Variants in PPFIA2 observed in about 807,000 individuals in gnomAD.
PPFIA2 encodes the protein PPFI scaffold protein A2.
In PPFIA2, 46 loss-of-function variants were observed where a neutral mutation model predicts 175.5. The observed-to-expected ratio is 0.26, with a 90% confidence interval of 0.21 to 0.34. PPFIA2 has a LOEUF of 0.34. Among genes scored for constraint, PPFIA2 ranks in the 10% least tolerant of loss-of-function variants. The pLI is 1.00. For missense variants in PPFIA2, 1,179 were observed against 1,506.1 expected (o/e 0.78, Z 3.60); for synonymous variants, 568 against 511.4 (o/e 1.11, Z -1.49).
chr12:81,446,274 C>A lies in PPFIA2; in HGVS notation c.406-554G>T, dbSNP rs1045784416. ...CATAGTAACTGAGATTCTCAATTGT[C>A]AGTTCAGAAAAGGAAGTTAAGGATA... On this transcript the variant is annotated intron_variant, in intron 5 of 32. Transcript: ENST00000549396. Among the ~76,000 whole-genome samples the A allele has an allele frequency of 3.9e-5, 6 of 152,246 alleles. No individual in the cohort carries two copies. In the East Asian group the frequency reaches 1.2e-3, roughly 29 times the overall value.
In PPFIA2 at chr12:81,758,485, C is replaced by A. The variant is rs1488430383; in HGVS notation, c.-88G>T. Reference sequence around the variant, plus strand: ...GGCTTGAGGAGAAGGGAGGCTCACACCCAGCACTCCTGGACCATTTCCCTA... The same window carrying A: ...GGCTTGAGGAGAAGGGAGGCTCACAACCAGCACTCCTGGACCATTTCCCTA... On this transcript the variant is annotated 5_prime_UTR_variant, in exon 2 of 33. Coordinates refer to ENST00000549396, the MANE Select transcript of PPFIA2 (RefSeq NM_003625.5). 1 of 456,208 alleles carries A rather than the reference C, an allele frequency of 2.2e-6. No individual in the cohort carries two copies. The highest frequency in any genetic ancestry group is 4.4e-6 in the Non-Finnish European group (1 of 226,672). The allele number at this position is 456,208 out of a possible 1,614,324, so 28.3% of individuals were successfully genotyped here. A position where few individuals can be genotyped will look rare whatever the true frequency, so the allele number is the denominator to read the frequency against.
chr12:81,538,307 TTGA>T (rs1364368544), intron 4 of PPFIA2, among the ~76,000 whole-genome samples: 5 of 151,922 alleles, frequency 3.3e-5, no homozygotes, highest in African/African-American at 9.7e-5. Flanking sequence ...GTTGTAGATC[TTGA>T]TGATCAATCC....
chr12:81,409,080 G>C (rs1475270464), intron 7 of PPFIA2, among the ~76,000 whole-genome samples: 1 of 152,168 alleles, frequency 6.6e-6, no homozygotes, highest in Non-Finnish European at 1.5e-5. Context: ...AGGTAGCACA[G>C]ACTTCTTTAG....
intron 4 of PPFIA2, among the ~76,000 whole-genome samples, chr12:81,668,601 AC>A (rs2070806964): frequency 6.6e-6 from 1 of 152,034 alleles, no homozygotes; most frequent in African/African-American, 2.4e-5. Context: ...AAGGAGAAGC[AC>A]ACACTTCCCT....
intron 4 of PPFIA2, among the ~76,000 whole-genome samples, chr12:81,655,007 G>A (rs935293155): frequency 6.6e-6 from 1 of 151,982 alleles, no homozygotes; most frequent in African/African-American, 2.4e-5. Context: ...AGTATCACCT[G>A]AATTTTTTAT....
At chr12:81,553,929 C>A (rs1180119323) in intron 4 of PPFIA2, among the ~76,000 whole-genome samples, 2 of 151,870 alleles carry the variant, frequency 1.3e-5, no homozygotes, top group Admixed American at 1.3e-4. Context: ...TGACTTGGAA[C>A]CAGATTAAGA....
chr12:81,672,668 G>A (rs1173770013), intron 4 of PPFIA2, among the ~76,000 whole-genome samples: 2 of 151,966 alleles, frequency 1.3e-5, no homozygotes, highest in Non-Finnish European at 2.9e-5. Context: ...GGAGCAAAAT[G>A]TATAGATCTT....
intron 3 of PPFIA2, among the ~76,000 whole-genome samples, chr12:81,680,603 T>C (rs184927786): frequency 6.6e-6 from 1 of 151,998 alleles, no homozygotes; most frequent in Non-Finnish European, 1.5e-5. Context: ...GGAGGCAGTC[T>C]TATGAGGAGC....
intron 4 of PPFIA2, among the ~76,000 whole-genome samples, chr12:81,665,400 C>G (rs2069969855): frequency 6.6e-6 from 1 of 152,022 alleles, no homozygotes; most frequent in African/African-American, 2.4e-5. Flanking sequence ...ACGTAACACT[C>G]AGTGTTAGCA....
chr12:81,525,925 T>G (rs2153274038), intron 4 of PPFIA2, among the ~76,000 whole-genome samples: 1 of 152,276 alleles, frequency 6.6e-6, no homozygotes, highest in African/African-American at 2.4e-5. Context: ...AACAAAATTC[T>G]TAGAAATTTT....
chr12:81,401,423 C>G (rs2042083249), intron 8 of PPFIA2, among the ~76,000 whole-genome samples: 1 of 152,156 alleles, frequency 6.6e-6, no homozygotes, highest in Non-Finnish European at 1.5e-5. Context: ...CAGCTGGTAG[C>G]TGGCAGAGAC....
At chr12:81,630,853 T>G (rs2063291583) in intron 4 of PPFIA2, among the ~76,000 whole-genome samples, 1 of 151,048 alleles carries the variant, frequency 6.6e-6, no homozygotes, top group Non-Finnish European at 1.5e-5. Flanking sequence ...CCCTGTAACA[T>G]TTTTATGTAA....
At chr12:81,669,612 AAAGT>A (rs1337411524) in intron 4 of PPFIA2, among the ~76,000 whole-genome samples, 3 of 152,130 alleles carry the variant, frequency 2.0e-5, no homozygotes, top group African/African-American at 7.2e-5. Context: ...AGACCTAAAG[AAAGT>A]GAGGCAGTAA....
rs1414348237 is a variant in PPFIA2, at chr12:81,299,359, C to T, written c.2666G>A (p.Arg889Gln). The T allele has an allele frequency of 3.1e-6, 5 of 1,591,308 alleles. No homozygotes were observed. Among genetic ancestry groups the T allele is most frequent in the Admixed American group, 1.8e-5 (1 of 57,050 alleles). ...KKKHELLEEA[R>Q]RKGLPFAQWD... ...CTGGGCAAAAGGTAATCCCTTTCTCCGAGCTTCTTCAAGAAGTTCATGCCT... is the reference window on the plus strand; with the variant it reads ...CTGGGCAAAAGGTAATCCCTTTCTCTGAGCTTCTTCAAGAAGTTCATGCCT... The change falls in exon 23 of 33, where the codon CGG (arginine) becomes CAG (glutamine). Residue 889 changes from arginine to glutamine, a missense_variant. By Grantham distance (43) the Arg-to-Gln change is conservative (BLOSUM62 1). Transcript: ENST00000549396.
At chr12:81,456,015 A>T (rs547082882) in intron 5 of PPFIA2, among the ~76,000 whole-genome samples, 1 of 152,204 alleles carries the variant, frequency 6.6e-6, no homozygotes, top group Non-Finnish European at 1.5e-5. Context: ...GTGCATTTTA[A>T]ATGTGAGCAT....
chr12:81,611,150 T>TACA (rs2060864649), intron 4 of PPFIA2, among the ~76,000 whole-genome samples: 1 of 152,122 alleles, frequency 6.6e-6, no homozygotes, highest in Non-Finnish European at 1.5e-5. Context: ...TCGGGCCTTG[T>TACA]GGGGAGCCCT....
intron 4 of PPFIA2, among the ~76,000 whole-genome samples, chr12:81,625,863 A>G (rs938759505): frequency 2.6e-4 from 38 of 147,856 alleles, no homozygotes; most frequent in African/African-American, 9.3e-4. Context: ...TAAATATAGT[A>G]TATTATAGTA....
intron 4 of PPFIA2, among the ~76,000 whole-genome samples, chr12:81,576,127 G>A (rs1296176813): frequency 1.3e-5 from 2 of 151,474 alleles, no homozygotes; most frequent in East Asian, 4.0e-4. Flanking sequence ...ACAATTGAAG[G>A]GAAGCTGGTG....
chr12:81,528,802 T>C (rs1461325920), intron 4 of PPFIA2, among the ~76,000 whole-genome samples: 1 of 151,928 alleles, frequency 6.6e-6, no homozygotes, highest in Non-Finnish European at 1.5e-5. Context: ...ACTGCAGTGC[T>C]CACCCACACA....
Sources: gnomAD v4.1 joint callset for allele counts (sites outside exome capture counted in the v4.1 genomes callset) on GRCh38, gnomAD v4.1.1 for gene constraint, MANE v1.5 for transcripts, NCBI Gene and HGNC (gene_info 2026-07-23, HGNC 2026-07-21) for gene names.